The following MCM10 variants were observed in gnomAD, a reference collection of about 807,000 sequenced individuals.
The protein encoded by MCM10 is minichromosome maintenance 10 replication initiation factor.
MCM10 carries 91 observed loss-of-function variants against 109.9 expected under a neutral mutation model. The observed-to-expected ratio is 0.83, with a 90% CI of 0.70 to 0.99. The LOEUF is 0.99. Ranked by LOEUF, MCM10 falls within the 50% of genes least tolerant of loss-of-function variation. The pLI is 0.00. For synonymous variants in MCM10, 380 were observed against 387.2 expected (o/e 0.98, Z 0.22); for missense variants, 1,077 against 1,061.2 (o/e 1.01, Z -0.21).
At position 13,198,714 on chromosome 10, in the gene MCM10, GA is replaced by G. The variant is rs1310004144; in HGVS notation, c.2152del (p.Arg718GlyfsTer17). ...QAEDELEPAR[K>X]KRREQLAYLE... ...CTGAGGATGAATTGGAGCCTGCCAG[GA>G]AAAAAAGGAGAGAACAACTTGCCTA... On this transcript the variant is annotated frameshift_variant, in exon 16 of 20. Coordinates refer to ENST00000378714, the MANE Select transcript of MCM10 (RefSeq NM_018518.5). LOFTEE classifies it high-confidence loss of function. 4 of 1,613,106 alleles carry G rather than the reference GA, an allele frequency of 2.5e-6. No individual in the cohort carries two copies. Among genetic ancestry groups the G allele is most frequent in the South Asian group, 1.1e-5 (1 of 91,054 alleles).
chr10:13,188,988 G>C lies in MCM10; in HGVS notation c.1323G>C (p.Lys441Asn). Residue 441 changes from lysine to asparagine, a missense_variant, in exon 10 of 20, where the codon AAG becomes AAC. Lys to Asn is a moderately conservative substitution (Grantham distance 94, BLOSUM62 0). Coordinates refer to ENST00000378714, the MANE Select transcript of MCM10 (RefSeq NM_018518.5). ...TCTCTGGAGGACGAATTCCAAAGAA[G>C]TTTGCCCGCAGAGGCACCAGCCTCA... ...STFSGGRIPK[K>N]FARRGTSLKE... 6.2e-7 allele frequency: 1 copy of C among 1,614,262 alleles called. No homozygotes were observed. The highest frequency in any genetic ancestry group is 2.2e-5 in the East Asian group (1 of 44,888).
Position 13,182,698 on chromosome 10 carries a change from C to T in MCM10, c.931-235C>T, listed in dbSNP as rs1314703567. ...AGAGACTCTGCTAACAAGTTTGCCA[C>T]TGGCTTGCTTTATTTCACTTTCATC... On this transcript the variant is annotated intron_variant, in intron 7 of 19. Transcript: ENST00000378714. The surrounding 1 kb of genome is among the most constrained non-coding windows in gnomAD (Gnocchi z 4.2). Among the ~76,000 whole-genome samples the T allele has an allele frequency of 6.6e-6, 1 of 152,122 alleles. No homozygotes were observed. The highest frequency in any genetic ancestry group is 1.5e-5 in the Non-Finnish European group (1 of 68,024).
chr10:13,174,183 C>T (rs1834111870), intron 5 of MCM10, among the ~76,000 whole-genome samples: 1 of 140,190 alleles, frequency 7.1e-6, no homozygotes, highest in African/African-American at 2.7e-5. Context: ...CACTCTGTCA[C>T]CCAGGTTGGA....
At position 13,188,987 on chromosome 10, in the gene MCM10, A is replaced by C. The variant is rs1244732104; in HGVS notation, c.1322A>C (p.Lys441Thr). ...TTCTCTGGAGGACGAATTCCAAAGA[A>C]GTTTGCCCGCAGAGGCACCAGCCTC... is the stretch of plus-strand genomic sequence containing the variant. Reference protein sequence around the residue: ...STFSGGRIPKKFARRGTSLKE... With the variant: ...STFSGGRIPKTFARRGTSLKE... Residue 441 changes from lysine (K) to threonine (T), a missense_variant, in exon 10 of 20, where the codon AAG becomes ACG. Lys to Thr is a moderately conservative substitution (Grantham distance 78, BLOSUM62 -1). Transcript: ENST00000378714. The C allele has an allele frequency of 1.2e-6, 2 of 1,614,238 alleles. No individual in the cohort carries two copies. The highest frequency in any genetic ancestry group is 2.2e-5 in the South Asian group (2 of 91,088).
intron 1 of MCM10, among the ~76,000 whole-genome samples, 167 bp from the exon 2 acceptor site, chr10:13,163,961 G>A (rs1170675631): frequency 6.6e-6 from 1 of 152,188 alleles, no homozygotes; most frequent in Admixed American, 6.5e-5. Context: ...ATCCAAGGAA[G>A]GAGATGGCAT....
In MCM10 at chr10:13,171,187, C is replaced by T. The variant is rs770223949; in HGVS notation, c.273C>T (p.Pro91=). 10 of 1,614,032 alleles carry T rather than the reference C, an allele frequency of 6.2e-6. No individual in the cohort carries two copies. The South Asian group carries it at 8.8e-5, about 14-fold the overall frequency. ...MEDLTDEEEV[P]ASQSTENRVL... ...ACTTAACAGATGAAGAAGAAGTTCC[C>T]GCATCACAGTCAACTGAAAATAGGG... The change falls in exon 3 of 20, where the codon CCC becomes CCT. Residue 91 remains proline (P), a synonymous_variant. Transcript: ENST00000378714.
At chr10:13,188,748 C>A in intron 9 of MCM10, 133 bp from the exon 10 acceptor site, 1 of 774,074 alleles carries the variant, frequency 1.3e-6, no homozygotes, top group Non-Finnish European at 2.3e-6. Context: ...ACATTGGGAA[C>A]GGTCGTGGAG....
At chr10:13,177,818 C>G (rs927264809) in intron 6 of MCM10, among the ~76,000 whole-genome samples, 1 of 150,372 alleles carries the variant, frequency 6.7e-6, no homozygotes, top group Non-Finnish European at 1.5e-5. Context: ...CCACTGCGCT[C>G]CATCCTGGAC....
chr10:13,180,427 G>A lies in MCM10; in HGVS notation c.765-15G>A. ...ATTAGAATCATAATTACTAATCGCT[G>A]GTTTCTTAACCCAGGCGGCCTCGAG... On this transcript the variant is annotated splice_polypyrimidine_tract_variant and intron_variant, in intron 6 of 19. Transcript: ENST00000378714. 6.2e-7 allele frequency: 1 copy of A among 1,602,554 alleles called. No homozygotes were observed. Among genetic ancestry groups the A allele is most frequent in the South Asian group, 1.1e-5 (1 of 90,076 alleles).
chr10:13,197,848 G>C, intron 15 of MCM10, 81 bp downstream of exon 15: 1 of 1,409,164 alleles, frequency 7.1e-7, no homozygotes, highest in South Asian at 1.4e-5. Flanking sequence ...CCAGCACCCA[G>C]ATATCAAGCA....
At chr10:13,192,168 C>T in intron 11 of MCM10, 87 bp from the exon 12 acceptor site, 1 of 796,416 alleles carries the variant, frequency 1.3e-6, no homozygotes, top group Non-Finnish European at 2.1e-6. Context: ...ACTAAAATTA[C>T]AAGTGCAGAG....
chr10:13,205,312 T>C (rs989366356), intron 18 of MCM10, among the ~76,000 whole-genome samples: 2 of 152,110 alleles, frequency 1.3e-5, no homozygotes, highest in Non-Finnish European at 2.9e-5. Context: ...TTTTTTCACT[T>C]AGGATAATGG....
At position 13,171,250 on chromosome 10, in the gene MCM10, T is replaced by C. The variant is rs770686196; in HGVS notation, c.336T>C (p.Asn112=). The change falls in exon 3 of 20, where the codon AAT becomes AAC. Residue 112 remains asparagine (N), a synonymous_variant. Transcript: ENST00000378714. Reference sequence around the variant, plus strand: ...CTGCCCCCAGGCGAGAGAAAACGAATGAAGAGTTGCAAGGTGCCCTAACTA... The same window carrying C: ...CTGCCCCCAGGCGAGAGAAAACGAACGAAGAGTTGCAAGGTGCCCTAACTA... ...PAPAPRREKT[N]EELQEELRNL... is the part of the protein sequence containing the mutation. The C allele has an allele frequency of 3.8e-5, 61 of 1,609,576 alleles. No individual in the cohort carries two copies. The highest frequency in any genetic ancestry group is 2.0e-4 in the East Asian group (9 of 44,826).
intron 2 of MCM10, among the ~76,000 whole-genome samples, chr10:13,168,121 G>T (rs1265789133): frequency 6.6e-6 from 1 of 152,188 alleles, no homozygotes; most frequent in Non-Finnish European, 1.5e-5. Flanking sequence ...AGTGGTGTGA[G>T]CCAGAGCCTC....
chr10:13,206,583 T>C (rs2131592057), intron 18 of MCM10, among the ~76,000 whole-genome samples: 1 of 152,286 alleles, frequency 6.6e-6, no homozygotes, highest in Admixed American at 6.5e-5. Context: ...GATTATAATT[T>C]TTAAGTAGTT....
At position 13,209,372 on chromosome 10, in the gene MCM10, A is replaced by T; in HGVS notation, c.*62A>T. 7.6e-7 allele frequency: 1 copy of T among 1,309,322 alleles called. No homozygotes were observed. Among genetic ancestry groups the T allele is most frequent in the South Asian group, 1.2e-5 (1 of 83,386 alleles). 81.1% of individuals were successfully genotyped at this position (1,309,322 alleles called of 1,614,324 possible). ...CTCCTGTGACTCTGGAAAGCAAAGG[A>T]TTGGCTGTGTATTGTCCATTGATTC... On this transcript the variant is annotated 3_prime_UTR_variant, in exon 20 of 20. Transcript: ENST00000378714.
chr10:13,175,749 G>C, intron 6 of MCM10, 68 bp downstream of exon 6: 2 of 1,109,270 alleles, frequency 1.8e-6, no homozygotes, highest in Non-Finnish European at 2.6e-6. Flanking sequence ...GAGTCCTTTA[G>C]AAGTAGTGTG....
intron 1 of MCM10, among the ~76,000 whole-genome samples, chr10:13,162,682 C>T (rs1833942991): frequency 6.6e-6 from 1 of 152,168 alleles, no homozygotes; most frequent in South Asian, 2.1e-4. Context: ...TTGAACGAGA[C>T]AGTTTGCTCC....
intron 6 of MCM10, among the ~76,000 whole-genome samples, chr10:13,177,353 T>C (rs946773935): frequency 6.6e-6 from 1 of 152,198 alleles, no homozygotes; most frequent in Non-Finnish European, 1.5e-5. Flanking sequence ...TCCAAAATGC[T>C]TGGGACCAGA....
Sources: allele counts gnomAD v4.1 joint callset (sites outside exome capture counted in the v4.1 genomes callset), GRCh38; gene constraint gnomAD v4.1.1; non-coding constraint Gnocchi (gnomAD v3.1); transcripts MANE v1.5; gene names NCBI Gene and HGNC (gene_info 2026-07-23, HGNC 2026-07-21).